Variants in MED13L observed in about 807,000 individuals in gnomAD.
MED13L encodes the protein mediator of RNA polymerase II transcription subunit 13-like.
MED13L carries 7 observed loss-of-function variants against 220.9 expected under a neutral mutation model. That is an observed-to-expected ratio of 0.03 (90% CI 0.02 to 0.06). The LOEUF is 0.06. MED13L is among the 10% of genes least tolerant of loss of function. The pLI is 1.00. For missense variants in MED13L, 1,965 were observed against 2,760.5 expected, an observed-to-expected ratio of 0.71 and a Z score of 6.46; for synonymous variants, 1,011 against 1,015.2, an observed-to-expected ratio of 1.00 and a Z score of 0.08.
In MED13L at chr12:115,984,284, G is replaced by A. The variant is rs1877534984; in HGVS notation, c.4427C>T (p.Thr1476Ile). The A allele has an allele frequency of 1.9e-6, 3 of 1,614,012 alleles. No individual in the cohort carries two copies. The highest frequency in any genetic ancestry group is 2.5e-6 in the Non-Finnish European group (3 of 1,179,990). ...RVGKTVAQKL[T>I]DELVSEWFNQ... is the part of the protein sequence containing the mutation. ...AAACCACTCACTCACAAGCTCATCT[G>A]TCAGCTTCTGTGCCACAGTTTTTCC... The change falls in exon 20 of 31, where the codon ACA becomes ATA. Residue 1476 changes from threonine (T) to isoleucine (I), a missense_variant. This residue lies in a region of MED13L where 510 missense variants were observed against 620.4 expected (regional missense o/e 0.82). Coordinates refer to ENST00000281928, the MANE Select transcript of MED13L (RefSeq NM_015335.5).
intron 3 of MED13L, among the ~76,000 whole-genome samples, chr12:116,106,018 A>T (rs1313359285): frequency 6.6e-6 from 1 of 152,230 alleles, no homozygotes; most frequent in Non-Finnish European, 1.5e-5. Context: ...ACCAAGTCAT[A>T]CCCAGGAGGG....
At chr12:116,126,435 T>C (rs1875596921) in intron 2 of MED13L, among the ~76,000 whole-genome samples, 1 of 152,110 alleles carries the variant, frequency 6.6e-6, no homozygotes, top group African/African-American at 2.4e-5. Context: ...CTTCCTGTGG[T>C]CCTTGGAGTA....
intron 2 of MED13L, among the ~76,000 whole-genome samples, chr12:116,207,143 A>G (rs955213338): frequency 6.6e-6 from 1 of 151,934 alleles, no homozygotes; most frequent in African/African-American, 2.4e-5. Flanking sequence ...ATAAAACTGA[A>G]TTTTTACTGC....
chr12:116,056,288 T>TG (rs1437008386), intron 4 of MED13L, among the ~76,000 whole-genome samples: 2 of 151,918 alleles, frequency 1.3e-5, no homozygotes, highest in Non-Finnish European at 2.9e-5. Flanking sequence ...TTTGTTTGTT[T>TG]TTTTTTTGAG....
intron 2 of MED13L, among the ~76,000 whole-genome samples, chr12:116,161,957 G>A (rs1419319454): frequency 6.6e-6 from 1 of 152,016 alleles, no homozygotes; most frequent in Admixed American, 6.6e-5. Context: ...ACGGGGGCAG[G>A]GGGGCAAAGA....
chr12:116,271,322 C>G (rs1873321992), intron 1 of MED13L, among the ~76,000 whole-genome samples: 1 of 151,586 alleles, frequency 6.6e-6, no homozygotes, highest in African/African-American at 2.4e-5. Context: ...GTTATTATGA[C>G]AGGCACGCCT....
chr12:116,249,210 A>G (rs368610013), intron 1 of MED13L, among the ~76,000 whole-genome samples: 2 of 152,344 alleles, frequency 1.3e-5, no homozygotes, highest in East Asian at 1.9e-4. Flanking sequence ...ACACTGTTAA[A>G]CACCTTGGGC....
At chr12:116,277,022 CCCCGGCACA>C in intron 1 of MED13L, 29 bp downstream of exon 1, 2 of 1,006,426 alleles carry the variant, frequency 2.0e-6, no homozygotes, top group Non-Finnish European at 3.0e-6. Context: ...CCCCCCCCTT[CCCCGGCACA>C]GCCCCCTCCC....
chr12:116,037,104 C>A (rs1474027809), intron 4 of MED13L, among the ~76,000 whole-genome samples: 1 of 152,126 alleles, frequency 6.6e-6, no homozygotes, highest in South Asian at 2.1e-4. Context: ...TGAATAATCA[C>A]CCTCCTGAGA....
chr12:116,155,725 A>C (rs1490007407), intron 2 of MED13L, among the ~76,000 whole-genome samples: 2 of 152,166 alleles, frequency 1.3e-5, no homozygotes, highest in Non-Finnish European at 2.9e-5. Context: ...ACAAGATTTA[A>C]GGGGAAAAAA....
chr12:116,233,973 A>G (rs1402973156), intron 2 of MED13L, among the ~76,000 whole-genome samples: 3 of 152,216 alleles, frequency 2.0e-5, no homozygotes, highest in Non-Finnish European at 4.4e-5. Flanking sequence ...TTGTGTGTGT[A>G]CCCTGTAGGA....
At chr12:116,179,225 G>A (rs1193853255) in intron 2 of MED13L, among the ~76,000 whole-genome samples, 4 of 152,000 alleles carry the variant, frequency 2.6e-5, no homozygotes, top group East Asian at 3.9e-4. Context: ...GTGTGTGTGT[G>A]TGTGTGTGTG....
At chr12:116,222,854 A>G (rs1868575850) in intron 2 of MED13L, among the ~76,000 whole-genome samples, 1 of 152,348 alleles carries the variant, frequency 6.6e-6, no homozygotes, top group Middle Eastern at 3.4e-3. Flanking sequence ...ACTGGACAAA[A>G]TATGTACACT....
rs1878079174 is a variant in MED13L at position 115,991,814 on chromosome 12, G to C, written c.3140C>G (p.Ser1047Cys). The change falls in exon 17 of 31, where the codon TCT becomes TGT. Residue 1047 changes from serine to cysteine, a missense_variant. Transcript: ENST00000281928. This position sits in a 1 kb window ranked among gnomAD's most constrained non-coding sequence, Gnocchi z 7.7. ...VLPSPATPRF[S>C]VPTPRTPRTP... is the part of the protein sequence containing the mutation. ...CCTGGGGGTTCGTGGTGTGGGGACA[G>C]AGAAGCGAGGGGTTGCTGGAGATGG... The C allele has an allele frequency of 6.2e-7, 1 of 1,613,280 alleles. No individual in the cohort carries two copies. The highest frequency in any genetic ancestry group is 1.3e-5 in the African/African-American group (1 of 74,882).
chr12:115,968,402 G>A (rs2137214213), intron 28 of MED13L, among the ~76,000 whole-genome samples: 1 of 152,264 alleles, frequency 6.6e-6, no homozygotes, highest in East Asian at 1.9e-4. Context: ...GGACACATCT[G>A]TAAAATCAAT....
chr12:116,015,732 G>A (rs1879687022), intron 7 of MED13L, among the ~76,000 whole-genome samples: 1 of 152,220 alleles, frequency 6.6e-6, no homozygotes, highest in Non-Finnish European at 1.5e-5. Context: ...CTAAATGGCT[G>A]TATATCAGCA....
At chr12:116,111,311 T>C (rs1874059093) in intron 3 of MED13L, 117 bp downstream of exon 3, 1 of 819,580 alleles carries the variant, frequency 1.2e-6, no homozygotes, top group Non-Finnish European at 2.1e-6. Context: ...TTATGTAATT[T>C]TCATACTAGC....
Position 116,008,589 on chromosome 12 carries a change from G to A in MED13L, c.1824C>T (p.Leu608=), listed in dbSNP as rs1189690834. 1.2e-6 allele frequency: 2 copies of A among 1,614,058 alleles called. No homozygotes were observed. Among genetic ancestry groups the A allele is most frequent in the Non-Finnish European group, 1.7e-6 (2 of 1,179,998 alleles). The change falls in exon 10 of 31, where the codon CTC becomes CTT. Residue 608 remains leucine (L), a synonymous_variant. Transcript: ENST00000281928. The stretch of plus-strand genomic sequence containing the variant: ...AGGCTGTCTCGCTGACCTCTGCCAT[G>A]AGAGGCAGTCTTTGGCCTACGAGGA... ...RTVLVGQRLP[L]MAEVSETALY... is the part of the protein sequence containing the mutation.
intron 2 of MED13L, among the ~76,000 whole-genome samples, chr12:116,146,510 C>T (rs1272511787): frequency 6.6e-6 from 1 of 151,200 alleles, no homozygotes; most frequent in South Asian, 2.1e-4. Context: ...CAAGACAATT[C>T]TTCTTTCAGC....
Sources: allele counts gnomAD v4.1 joint callset (sites outside exome capture counted in the v4.1 genomes callset), GRCh38; gene constraint gnomAD v4.1.1; regional missense constraint gnomAD v4.1.1; non-coding constraint Gnocchi (gnomAD v3.1); transcripts MANE v1.5; gene names NCBI Gene and HGNC (gene_info 2026-07-23, HGNC 2026-07-21).